The following LARGE1 variants were observed in gnomAD, a reference collection of about 807,000 sequenced individuals.
The protein encoded by LARGE1 is xylosyl- and glucuronyltransferase LARGE1.
Under a neutral mutation model 87.6 loss-of-function variants are expected in LARGE1, and 43 were observed. That is an observed-to-expected ratio of 0.49 (90% confidence interval 0.38 to 0.63). LARGE1 has a LOEUF of 0.63. Ranked by LOEUF, LARGE1 falls within the 30% of genes least tolerant of loss-of-function variation. The pLI is 0.00. For missense variants in LARGE1, 802 were observed against 1,000.2 expected (o/e 0.80, Z 2.67); for synonymous variants, 434 against 394.6 (o/e 1.10, Z -1.18).
downstream of LARGE1, among the ~76,000 whole-genome samples, chr22:33,160,909 C>T (rs926716090): frequency 1.3e-5 from 2 of 152,216 alleles, no homozygotes; most frequent in African/African-American, 2.4e-5. Flanking sequence ...ATTTGAATTT[C>T]CCTTTCTCTG....
chr22:33,826,537 T>A (rs1378752301), intron 1 of LARGE1, among the ~76,000 whole-genome samples: 1 of 152,038 alleles, frequency 6.6e-6, no homozygotes, highest in African/African-American at 2.4e-5. Flanking sequence ...GAGATAGAAT[T>A]TCACCATCTT....
chr22:33,591,716 G>C (rs2148920757), intron 5 of LARGE1, among the ~76,000 whole-genome samples: 1 of 150,736 alleles, frequency 6.6e-6, no homozygotes, highest in African/African-American at 2.4e-5. Context: ...TCTTATTTAA[G>C]AAATCTCTCT....
At chr22:33,808,109 G>A (rs749562609) in intron 1 of LARGE1, among the ~76,000 whole-genome samples, 2 of 152,200 alleles carry the variant, frequency 1.3e-5, no homozygotes, top group Admixed American at 6.5e-5. Context: ...ATACCATTTT[G>A]CATTCTGACA....
chr22:33,143,480 A>G, the LARGE1 span, among the ~76,000 whole-genome samples: 1 of 152,170 alleles, frequency 6.6e-6, no homozygotes, highest in Admixed American at 6.6e-5. Context: ...CAATGCCCAG[A>G]GAGAGAGGAA....
At chr22:33,661,463 C>A (rs1010195592) in intron 2 of LARGE1, among the ~76,000 whole-genome samples, 7 of 152,106 alleles carry the variant, frequency 4.6e-5, no homozygotes, top group Non-Finnish European at 1.0e-4. Flanking sequence ...GATCCATCTG[C>A]CTCAGCCTCC....
At chr22:33,536,128 T>C (rs920710041) in intron 6 of LARGE1, among the ~76,000 whole-genome samples, 2 of 152,200 alleles carry the variant, frequency 1.3e-5, no homozygotes, top group Admixed American at 1.3e-4. Context: ...AAAGCCAAAA[T>C]AATTTGGGTC....
intron 3 of LARGE1, among the ~76,000 whole-genome samples, chr22:33,641,820 C>T (rs1307783441): frequency 6.6e-6 from 1 of 151,624 alleles, no homozygotes; most frequent in Non-Finnish European, 1.5e-5. Context: ...AGTGTGAAGA[C>T]AAGATTAAAG....
intron 11 of LARGE1, among the ~76,000 whole-genome samples, chr22:33,220,509 G>GA (rs1003226629): frequency 1.3e-5 from 2 of 152,030 alleles, no homozygotes; most frequent in African/African-American, 4.8e-5. Flanking sequence ...AGTGAAAGGG[G>GA]AAAAAAATAG....
At chr22:33,374,723 C>T (rs2064936050) in intron 9 of LARGE1, among the ~76,000 whole-genome samples, 1 of 152,108 alleles carries the variant, frequency 6.6e-6, no homozygotes, top group African/African-American at 2.4e-5. Context: ...ATAAGTGATA[C>T]TAGATCTTCT....
intron 5 of LARGE1, among the ~76,000 whole-genome samples, chr22:33,585,494 G>A (rs2078645281): frequency 6.6e-6 from 1 of 152,130 alleles, no homozygotes; most frequent in Admixed American, 6.5e-5. Flanking sequence ...AAGATTCCCT[G>A]TTTGGTAATG....
the LARGE1 span, among the ~76,000 whole-genome samples, chr22:33,116,565 G>A: frequency 6.6e-6 from 1 of 150,892 alleles, no homozygotes; most frequent in African/African-American, 2.4e-5. Context: ...GGGTTTCACC[G>A]TGTTAGCCAG....
At chr22:33,686,418 C>T (rs1672625804) in intron 2 of LARGE1, among the ~76,000 whole-genome samples, 1 of 151,874 alleles carries the variant, frequency 6.6e-6, no homozygotes, top group South Asian at 2.1e-4. Context: ...TGGTGCGTGC[C>T]TGTAATCCCA....
chr22:33,262,186 C>T (rs1428825900), intron 11 of LARGE1, among the ~76,000 whole-genome samples: 7 of 152,276 alleles, frequency 4.6e-5, no homozygotes, highest in East Asian at 1.9e-4. Flanking sequence ...CACCGTCACC[C>T]GGCTGTTCAG....
At chr22:33,486,691 G>GC (rs1229553667) in intron 6 of LARGE1, among the ~76,000 whole-genome samples, 1 of 152,100 alleles carries the variant, frequency 6.6e-6, no homozygotes, top group Non-Finnish European at 1.5e-5. Context: ...TACCGCTTTG[G>GC]CAACTGTCAC....
rs71187287 is a variant in LARGE1, at chr22:33,849,592, CTT to C, written c.-83+70401_-83+70402del. ...CTTTAGTTCTTTTTTCTTTTCTTCTCTTTTTTTTTTTTTTTTTTTTTTTTGAG... is the reference window on the plus strand; with the variant it reads ...CTTTAGTTCTTTTTTCTTTTCTTCTCTTTTTTTTTTTTTTTTTTTTTTGAG... On this transcript the variant is annotated intron_variant, in intron 1 of 14. Transcript: ENST00000397394. Among the ~76,000 whole-genome samples the C allele has an allele frequency of 4.2e-3, 376 of 88,550 alleles. 2 individuals are homozygous for C. The highest frequency in any genetic ancestry group is 0.016 in the African/African-American group (342 of 21,118). The allele number at this position is 88,550 out of a possible 152,430, so 58.1% of individuals were successfully genotyped here.
chr22:33,313,273 A>C (rs1313491266), intron 11 of LARGE1, among the ~76,000 whole-genome samples: 2 of 148,118 alleles, frequency 1.4e-5, no homozygotes, highest in Non-Finnish European at 1.5e-5. Flanking sequence ...TGTGCCTTCT[A>C]CTCTCAGTCC....
chr22:33,733,424 A>G (rs2083539171), intron 2 of LARGE1: 2 of 152,264 alleles, frequency 1.3e-5, no homozygotes, highest in Non-Finnish European at 2.9e-5. Flanking sequence ...CATTAATTTA[A>G]TGAACTTAAA....
intron 11 of LARGE1, among the ~76,000 whole-genome samples, chr22:33,308,154 A>G (rs769301759): frequency 2.0e-5 from 3 of 152,188 alleles, no homozygotes; most frequent in Non-Finnish European, 4.4e-5. Context: ...CTCTGTAGTC[A>G]TAAAGGAACA....
At chr22:33,394,997 C>A (rs980953703) in intron 7 of LARGE1, among the ~76,000 whole-genome samples, 2 of 152,008 alleles carry the variant, frequency 1.3e-5, no homozygotes, top group Admixed American at 6.6e-5. Flanking sequence ...GAGGCCAAGG[C>A]TGGCAGATCA....
Sources: allele counts gnomAD v4.1 joint callset (sites outside exome capture counted in the v4.1 genomes callset), GRCh38; gene constraint gnomAD v4.1.1; transcripts MANE v1.5; gene names NCBI Gene and HGNC (gene_info 2026-07-23, HGNC 2026-07-21).